UNC13C: variants seen among roughly 807,000 people sequenced by gnomAD.
The protein encoded by UNC13C is unc-13 homolog C, also known as protein unc-13 homolog C.
In UNC13C, 174 loss-of-function variants were observed where a neutral mutation model predicts 245.4. That is an observed-to-expected ratio of 0.71 (90% CI 0.63 to 0.80). UNC13C has a LOEUF of 0.80. UNC13C is among the 30% of genes least tolerant of loss of function. The pLI is 0.00. For missense variants in UNC13C, 2,829 were observed against 2,602.9 expected (o/e 1.09, Z -1.89); for synonymous variants, 992 against 895.1 (o/e 1.11, Z -1.93).
intron 4 of UNC13C, among the ~76,000 whole-genome samples, chr15:54,181,416 T>C (rs773831976): frequency 6.6e-6 from 1 of 152,092 alleles, no homozygotes; most frequent in Non-Finnish European, 1.5e-5. Flanking sequence ...ATAGTATAGT[T>C]TGAAGGCAGG....
intron 10 of UNC13C, among the ~76,000 whole-genome samples, chr15:54,274,585 A>C (rs994780933): frequency 5.3e-5 from 8 of 151,914 alleles, no homozygotes; most frequent in African/African-American, 1.9e-4. Context: ...ATATCCACTT[A>C]AAGGTGTGTA....
At chr15:54,397,231 G>C (rs2040088989) in intron 18 of UNC13C, among the ~76,000 whole-genome samples, 1 of 151,238 alleles carries the variant, frequency 6.6e-6, no homozygotes, top group African/African-American at 2.4e-5. Flanking sequence ...AACTTTCTTT[G>C]GATCGTTTTC....
intron 30 of UNC13C, 122 bp from the exon 31 acceptor site, chr15:54,622,205 C>T: frequency 1.4e-6 from 1 of 706,834 alleles, no homozygotes. Flanking sequence ...CTATTACGCA[C>T]TATTAATGGA....
At chr15:53,863,947 C>T in the UNC13C span, among the ~76,000 whole-genome samples, 1 of 152,190 alleles carries the variant, frequency 6.6e-6, no homozygotes, top group Non-Finnish European at 1.5e-5. Context: ...TTACTCACCA[C>T]TTTGTTAAGA....
At chr15:53,895,234 G>A in the UNC13C span, among the ~76,000 whole-genome samples, 1 of 151,174 alleles carries the variant, frequency 6.6e-6, no homozygotes, top group South Asian at 2.1e-4. Flanking sequence ...TGTGGTCGCA[G>A]GCGTCTGTAA....
chr15:54,554,676 G>A (rs1326101158), intron 28 of UNC13C, among the ~76,000 whole-genome samples: 6 of 152,070 alleles, frequency 3.9e-5, no homozygotes, highest in South Asian at 2.1e-4. Flanking sequence ...GAGTGTTGTC[G>A]AATAGAATAA....
intron 2 of UNC13C, among the ~76,000 whole-genome samples, chr15:54,054,651 C>G (rs146055113): frequency 6.6e-6 from 1 of 152,218 alleles, no homozygotes; most frequent in East Asian, 1.9e-4. Flanking sequence ...TTCCCACTTT[C>G]TCTACTGGTT....
chr15:54,113,085 GA>G (rs2029935718), intron 2 of UNC13C, among the ~76,000 whole-genome samples: 1 of 126,356 alleles, frequency 7.9e-6, no homozygotes, highest in Non-Finnish European at 1.9e-5. Context: ...TGTTAGGCGA[GA>G]TTTTTTTTTT....
At chr15:54,416,930 G>A (rs1315512862) in intron 19 of UNC13C, 2 of 456,398 alleles carry the variant, frequency 4.4e-6, no homozygotes, top group Admixed American at 4.7e-5. Context: ...CAGCTGCTCT[G>A]ATGCCTGGAT....
chr15:54,442,034 AT>A (rs1478746494), intron 19 of UNC13C, among the ~76,000 whole-genome samples: 2 of 151,864 alleles, frequency 1.3e-5, no homozygotes, highest in East Asian at 1.9e-4. Flanking sequence ...GTATCTTGTA[AT>A]TTTATTAATT....
intron 1 of UNC13C, among the ~76,000 whole-genome samples, chr15:54,001,200 G>T (rs768226097): frequency 1.3e-5 from 2 of 152,028 alleles, no homozygotes; most frequent in Non-Finnish European, 2.9e-5. Context: ...AGACACCCTG[G>T]TACATTGCTT....
chr15:54,276,667 AT>A (rs1242137153), intron 10 of UNC13C, among the ~76,000 whole-genome samples: 1 of 152,090 alleles, frequency 6.6e-6, no homozygotes, highest in Non-Finnish European at 1.5e-5. Flanking sequence ...ACTGTTGTGA[AT>A]TTTTTATACG....
At chr15:53,940,966 A>G in the UNC13C span, among the ~76,000 whole-genome samples, 11 of 152,354 alleles carry the variant, frequency 7.2e-5, no homozygotes, top group Non-Finnish European at 1.5e-4. Context: ...TCTATTTTAA[A>G]ATTCATATGG....
intron 10 of UNC13C, among the ~76,000 whole-genome samples, chr15:54,285,600 A>G (rs938936238): frequency 6.6e-6 from 1 of 152,292 alleles, no homozygotes; most frequent in East Asian, 1.9e-4. Flanking sequence ...TTGCCTCGAG[A>G]TGGCTCTGGC....
chr15:53,886,997 G>A, the UNC13C span, among the ~76,000 whole-genome samples: 2 of 152,116 alleles, frequency 1.3e-5, no homozygotes, highest in Non-Finnish European at 1.5e-5. Flanking sequence ...AGGTGCCCAT[G>A]GAATTATGAC....
chr15:54,486,206 T>A (rs1410485941), intron 19 of UNC13C, among the ~76,000 whole-genome samples: 1 of 148,564 alleles, frequency 6.7e-6, no homozygotes, highest in African/African-American at 2.5e-5. Context: ...GGTTAGGAGT[T>A]TGAGACCAAC....
At chr15:53,884,434 A>C in the UNC13C span, among the ~76,000 whole-genome samples, 36,958 of 151,704 alleles carry the variant, frequency 0.24, 4,573 homozygotes, top group South Asian at 0.33. Flanking sequence ...CTCAAGCAAT[A>C]CTCCCACCTC....
intron 1 of UNC13C, among the ~76,000 whole-genome samples, chr15:54,003,670 A>G (rs1376469809): frequency 6.6e-6 from 1 of 152,192 alleles, no homozygotes; most frequent in African/African-American, 2.4e-5. Flanking sequence ...TAGTATTACA[A>G]ACAATCCAGT....
intron 4 of UNC13C, among the ~76,000 whole-genome samples, chr15:54,193,743 C>G (rs2034263547): frequency 6.6e-6 from 1 of 152,188 alleles, no homozygotes; most frequent in Non-Finnish European, 1.5e-5. Context: ...ATAAGGCCAT[C>G]TCTTAAGAGA....
Sources: gnomAD v4.1 joint callset for allele counts (sites outside exome capture counted in the v4.1 genomes callset) on GRCh38, gnomAD v4.1.1 for gene constraint, MANE v1.5 for transcripts, NCBI Gene and HGNC (gene_info 2026-07-23, HGNC 2026-07-21) for gene names.